The following FAM168A variants were observed in gnomAD, a reference collection of about 807,000 sequenced individuals.
The protein encoded by FAM168A is protein FAM168A.
A neutral mutation model predicts 28.5 loss-of-function variants in FAM168A; 3 were observed. The observed-to-expected ratio is 0.11, with a 90% CI of 0.05 to 0.27. The LOEUF (loss-of-function observed/expected upper bound fraction) is 0.27, where lower values mean the gene tolerates loss of function less well. Ranked by LOEUF, FAM168A falls within the 10% of genes least tolerant of loss-of-function variation. The pLI, the probability that FAM168A is intolerant of heterozygous loss-of-function variation, is 1.00. For synonymous variants in FAM168A, 122 were observed against 124.2 expected, an observed-to-expected ratio of 0.98 and a Z score of 0.12; for missense variants, 222 against 311.5, an observed-to-expected ratio of 0.71 and a Z score of 2.16.
intron 1 of FAM168A, among the ~76,000 whole-genome samples, chr11:73,550,000 GAA>G (rs1330383638): frequency 1.3e-5 from 2 of 152,150 alleles, no homozygotes; most frequent in Non-Finnish European, 2.9e-5. Flanking sequence ...CAACTTGGCA[GAA>G]ATAAAAATAA....
intron 2 of FAM168A, among the ~76,000 whole-genome samples, chr11:73,432,171 T>A (rs1867006439): frequency 1.3e-5 from 2 of 152,226 alleles, no homozygotes; most frequent in South Asian, 4.1e-4. Flanking sequence ...TATCCGTTCA[T>A]CTGTTGAGGG....
At chr11:73,425,173 A>C (rs1409858927) in intron 3 of FAM168A, 4 of 647,538 alleles carry the variant, frequency 6.2e-6, no homozygotes, top group African/African-American at 5.6e-5. Context: ...AAAAGCAGTA[A>C]ATAAAGATGT....
chr11:73,405,628 T>G lies in FAM168A; in HGVS notation c.*1135A>C, dbSNP rs1032059229. ...TCTATGAAATGTTTATTGCTATTGCTTTTCCTTCACTATCCTCACCTTCAG... is the reference window on the plus strand; with the variant it reads ...TCTATGAAATGTTTATTGCTATTGCGTTTCCTTCACTATCCTCACCTTCAG... On this transcript the variant is annotated 3_prime_UTR_variant, in exon 8 of 8. Coordinates refer to ENST00000356467, the MANE Select transcript of FAM168A (RefSeq NM_015159.3). 1 of 152,200 alleles carries G rather than the reference T, an allele frequency of 6.6e-6. No individual in the cohort carries two copies. Among genetic ancestry groups the G allele is most frequent in the Non-Finnish European group, 1.5e-5 (1 of 68,038 alleles). 9.4% of individuals were successfully genotyped at this position (152,200 alleles called of 1,614,324 possible). A position where few individuals can be genotyped will look rare whatever the true frequency, so the allele number is the denominator to read the frequency against.
In FAM168A at chr11:73,439,210, C is replaced by T. The variant is rs557701023; in HGVS notation, c.71-8440G>A. 7.2e-5 allele frequency among the ~76,000 whole-genome samples: 11 copies of T among 152,282 alleles called. No homozygotes were observed. In the East Asian group the frequency reaches 7.7e-4, roughly 11 times the overall value. On this transcript the variant is annotated intron_variant, in intron 2 of 7. Transcript: ENST00000356467. ...TTCAAGGCCCAGCCACCCAGCCTTC[C>T]ACTGGCGAGCTGCAGGGAATTGTAA...
intron 1 of FAM168A, among the ~76,000 whole-genome samples, chr11:73,521,540 A>C (rs1437609268): frequency 6.6e-6 from 1 of 152,142 alleles, no homozygotes; most frequent in African/African-American, 2.4e-5. Context: ...GCTCTGGTGG[A>C]GATGGAGAGG....
chr11:73,431,722 AGT>A (rs1866997923), intron 2 of FAM168A, among the ~76,000 whole-genome samples: 2 of 152,168 alleles, frequency 1.3e-5, no homozygotes, highest in Non-Finnish European at 2.9e-5. Context: ...AGCTCACTAC[AGT>A]ATACTATATT....
At chr11:73,472,982 C>T (rs1202201205) in intron 1 of FAM168A, among the ~76,000 whole-genome samples, 1 of 151,752 alleles carries the variant, frequency 6.6e-6, no homozygotes, top group Non-Finnish European at 1.5e-5. Flanking sequence ...ATTAGGACTA[C>T]CACAAACATT....
At chr11:73,472,897 TTAGA>T (rs763084418) in intron 1 of FAM168A, among the ~76,000 whole-genome samples, 4 of 152,100 alleles carry the variant, frequency 2.6e-5, no homozygotes, top group Non-Finnish European at 5.9e-5. Context: ...GGATTTGGAC[TTAGA>T]TTGGAGATGC....
At chr11:73,486,244 A>C (rs1056345661) in intron 1 of FAM168A, among the ~76,000 whole-genome samples, 3 of 152,178 alleles carry the variant, frequency 2.0e-5, no homozygotes, top group African/African-American at 4.8e-5. Flanking sequence ...TAAAGTGTAC[A>C]GTTTTGAGGC....
At chr11:73,416,605 A>G (rs1162139385) in intron 4 of FAM168A, among the ~76,000 whole-genome samples, 4 of 152,182 alleles carry the variant, frequency 2.6e-5, no homozygotes, top group African/African-American at 7.2e-5. Flanking sequence ...GAATGCTGGG[A>G]GGAATCTTTT....
At chr11:73,438,409 G>A (rs1867131452) in intron 2 of FAM168A, among the ~76,000 whole-genome samples, 1 of 152,156 alleles carries the variant, frequency 6.6e-6, no homozygotes, top group Non-Finnish European at 1.5e-5. Flanking sequence ...TTGTCAAGGT[G>A]CGGAGGGGGC....
rs368582493 is a variant in FAM168A, at chr11:73,430,731, T to C, written c.110A>G (p.Asn37Ser). Residue 37 changes from asparagine to serine, a missense_variant, in exon 3 of 8, where the codon AAT becomes AGT. By Grantham distance (46) the Asn-to-Ser change is conservative. Around this residue, in one of 3 missense-constraint regions of FAM168A, gnomAD observed 153 missense variants for 189.2 expected, o/e 0.81. Transcript: ENST00000356467. Reference protein sequence around the residue: ...TAYPAAAPAYNPSLYPTNSPS... With the variant: ...TAYPAAAPAYSPSLYPTNSPS... ...ACTATTGGTGGGGTACAGGCTGGGA[T>C]TGTAGGCAGGGGCAGCTGCTGGATA... The C allele has an allele frequency of 4.2e-5, 68 of 1,613,632 alleles. 1 individual carries two copies. The highest frequency in any genetic ancestry group is 2.8e-4 in the African/African-American group (21 of 74,962).
At chr11:73,596,677 A>G (rs1229644106) in intron 1 of FAM168A, among the ~76,000 whole-genome samples, 4 of 151,972 alleles carry the variant, frequency 2.6e-5, no homozygotes, top group Non-Finnish European at 4.4e-5. Flanking sequence ...CTTAACCCTC[A>G]TGTGTCTCTT....
rs1866463506 is a variant in FAM168A, at chr11:73,404,266, C to G, written c.*2497G>C. 6.6e-6 allele frequency: 1 copy of G among 152,174 alleles called. No homozygotes were observed. Among genetic ancestry groups the G allele is most frequent in the African/African-American group, 2.4e-5 (1 of 41,422 alleles). The allele number at this position is 152,174 out of a possible 1,614,324, so 9.4% of individuals were successfully genotyped here. ...ATGGAGGCAGCAGGGTTCTGGGAAG[C>G]CTAGCGGATACCAGCATGCTGCTCA... On this transcript the variant is annotated 3_prime_UTR_variant, in exon 8 of 8. Coordinates refer to ENST00000356467, the MANE Select transcript of FAM168A (RefSeq NM_015159.3).
chr11:73,503,362 C>T (rs1433647387), intron 1 of FAM168A, among the ~76,000 whole-genome samples: 1 of 152,046 alleles, frequency 6.6e-6, no homozygotes, highest in East Asian at 1.9e-4. Context: ...CAACAATAGG[C>T]AAGCAGAAAG....
At chr11:73,597,419 C>A (rs1464793902) in intron 1 of FAM168A, among the ~76,000 whole-genome samples, 4 of 151,968 alleles carry the variant, frequency 2.6e-5, no homozygotes, top group Non-Finnish European at 5.9e-5. Flanking sequence ...CCAAATTCCA[C>A]CCTTCTGAAT....
chr11:73,460,985 G>A (rs1180875795), intron 2 of FAM168A, among the ~76,000 whole-genome samples: 1 of 152,188 alleles, frequency 6.6e-6, no homozygotes, highest in Non-Finnish European at 1.5e-5. Flanking sequence ...GCTGCCAGAG[G>A]TCTGGGTTCT....
At chr11:73,443,280 T>C (rs1470049121) in intron 2 of FAM168A, among the ~76,000 whole-genome samples, 3 of 152,034 alleles carry the variant, frequency 2.0e-5, no homozygotes, top group African/African-American at 7.2e-5. Context: ...CTTTGGCCAA[T>C]TTAACTAAAT....
At chr11:73,580,318 G>C in intron 1 of FAM168A, 2 of 572,758 alleles carry the variant, frequency 3.5e-6, no homozygotes, top group South Asian at 2.8e-5. Flanking sequence ...GAACCACAGA[G>C]AAGATCCACA....
Sources: allele counts gnomAD v4.1 joint callset (sites outside exome capture counted in the v4.1 genomes callset), GRCh38; gene constraint gnomAD v4.1.1; regional missense constraint gnomAD v4.1.1; transcripts MANE v1.5; gene names NCBI Gene and HGNC (gene_info 2026-07-23, HGNC 2026-07-21).